The following PPP1R37 variants were observed in gnomAD, a reference collection of about 807,000 sequenced individuals.
PPP1R37 encodes protein phosphatase 1 regulatory subunit 37.
In PPP1R37, 21 loss-of-function variants were observed where a neutral mutation model predicts 61.0. The ratio of observed to expected loss-of-function variants is 0.34; its 90% CI spans 0.24 to 0.50. The LOEUF (loss-of-function observed/expected upper bound fraction) is 0.50. Among genes scored for constraint, PPP1R37 ranks in the 20% least tolerant of loss-of-function variants. The probability of loss-of-function intolerance (pLI) is 0.98; values close to 1 mark genes in which losing one functional copy is unlikely to be tolerated. For synonymous variants in PPP1R37, 443 were observed against 433.5 expected (o/e 1.02, Z -0.27); for missense variants, 910 against 952.7 (o/e 0.96, Z 0.59).
At chr19:45,098,590 C>T (rs1004507870) in intron 1 of PPP1R37, among the ~76,000 whole-genome samples, 3 of 152,094 alleles carry the variant, frequency 2.0e-5, no homozygotes, top group Non-Finnish European at 1.5e-5. Context: ...TGAGGGGGCC[C>T]AAGCATGCTA....
In PPP1R37 at chr19:45,130,332, G is replaced by A. The variant is rs1477706953; in HGVS notation, c.203-8182G>A. Among the ~76,000 whole-genome samples, 1 of 152,086 alleles carries A rather than the reference G, an allele frequency of 6.6e-6. No homozygotes were observed. The highest frequency in any genetic ancestry group is 1.5e-5 in the Non-Finnish European group (1 of 68,008). On this transcript the variant is annotated intron_variant, in intron 1 of 12. Coordinates refer to ENST00000221462, the MANE Select transcript of PPP1R37 (RefSeq NM_019121.2). This position sits in a 1 kb window ranked among gnomAD's most constrained non-coding sequence, Gnocchi z 4.4. ...CCATCCTGTTGCTGCTCTGCCCCTC[G>A]CCCCCAGTGGCTCCGGTCTCCTGCA...
intron 1 of PPP1R37, among the ~76,000 whole-genome samples, chr19:45,114,960 G>C (rs920157198): frequency 2.0e-5 from 3 of 152,136 alleles, no homozygotes; most frequent in Non-Finnish European, 2.9e-5. Context: ...GAAAGCCCTG[G>C]GCTAGGGGAC....
chr19:45,113,563 A>G (rs1488119292), intron 1 of PPP1R37, among the ~76,000 whole-genome samples: 1 of 152,220 alleles, frequency 6.6e-6, no homozygotes, highest in East Asian at 1.9e-4. Flanking sequence ...GTCTGCAGGC[A>G]CCAGGCATTC....
intron 1 of PPP1R37, among the ~76,000 whole-genome samples, chr19:45,126,958 G>A (rs922291979): frequency 1.3e-5 from 2 of 152,254 alleles, no homozygotes; most frequent in South Asian, 2.1e-4. Context: ...TGTGAGTTGT[G>A]TAGTAATACG....
At chr19:45,129,004 C>T in intron 1 of PPP1R37, 1 of 835,682 alleles carries the variant, frequency 1.2e-6, no homozygotes, top group Non-Finnish European at 2.0e-6. Flanking sequence ...GAGGAGGCAG[C>T]TGTTGCAGTC....
At chr19:45,118,958 G>C (rs1968304628) in intron 1 of PPP1R37, among the ~76,000 whole-genome samples, 1 of 151,420 alleles carries the variant, frequency 6.6e-6, no homozygotes, top group African/African-American at 2.4e-5. Flanking sequence ...AGCAGCTGCT[G>C]CTTTTTTTTT....
chr19:45,119,277 C>T (rs1237196631), intron 1 of PPP1R37, among the ~76,000 whole-genome samples: 2 of 152,096 alleles, frequency 1.3e-5, no homozygotes, highest in Admixed American at 1.3e-4. Flanking sequence ...GCCTCAGCCT[C>T]CTGAGTAGCT....
At chr19:45,141,276 A>G in intron 4 of PPP1R37, 46 bp from the exon 5 acceptor site, 3 of 1,502,764 alleles carry the variant, frequency 2.0e-6, no homozygotes, top group Non-Finnish European at 1.8e-6. Flanking sequence ...CCTCTCCTCC[A>G]GGGCAGCCCA....
chr19:45,129,856 CA>C (rs1451094283), intron 1 of PPP1R37, among the ~76,000 whole-genome samples: 2 of 152,198 alleles, frequency 1.3e-5, no homozygotes, highest in Non-Finnish European at 2.9e-5. Context: ...TCTCTCTCCC[CA>C]ACACATTTGT....
Position 45,146,510 on chromosome 19 carries a change from C to T in PPP1R37, c.*8+30C>T, listed in dbSNP as rs975848560. 19 of 1,457,880 alleles carry T rather than the reference C, an allele frequency of 1.3e-5. No individual in the cohort carries two copies. In the East Asian group the frequency reaches 1.7e-4, roughly 13 times the overall value. 90.3% of individuals were successfully genotyped at this position (1,457,880 alleles called of 1,614,324 possible). On this transcript the variant is annotated intron_variant, in intron 12 of 12. Coordinates refer to ENST00000221462, the MANE Select transcript of PPP1R37 (RefSeq NM_019121.2). ...GGCCAGGCCCGGGGCCCACAGCACT[C>T]GGGAGGAGCTGAGAGAGCCTCTGGC...
chr19:45,145,336 A>G lies in PPP1R37; in HGVS notation c.1297-17A>G. 6.5e-7 allele frequency: 1 copy of G among 1,529,792 alleles called. No homozygotes were observed. 94.8% of individuals were successfully genotyped at this position (1,529,792 alleles called of 1,614,324 possible). ...TGGGGCCGGCCTGAGAGCCCTAGCC[A>G]GGCGCTCCCGCCACAGGTGAAGAGC... On this transcript the variant is annotated splice_polypyrimidine_tract_variant and intron_variant, in intron 10 of 12. Coordinates refer to ENST00000221462, the MANE Select transcript of PPP1R37 (RefSeq NM_019121.2).
At chr19:45,124,339 C>T (rs543135360) in intron 1 of PPP1R37, among the ~76,000 whole-genome samples, 37 of 152,314 alleles carry the variant, frequency 2.4e-4, no homozygotes, top group Middle Eastern at 3.4e-3. Context: ...CTTCGGGGGA[C>T]GGGAAGAATT....
intron 1 of PPP1R37, chr19:45,136,046 G>C (rs1332099678): frequency 6.6e-6 from 1 of 152,118 alleles, no homozygotes; most frequent in Non-Finnish European, 1.5e-5. Context: ...GCCTTCCAAA[G>C]TGCTGGGATT....
chr19:45,101,896 T>C (rs1031652424), intron 1 of PPP1R37, among the ~76,000 whole-genome samples: 2 of 152,220 alleles, frequency 1.3e-5, no homozygotes, highest in Non-Finnish European at 2.9e-5. Context: ...CATTGACTTC[T>C]TCATCAGATT....
intron 1 of PPP1R37, among the ~76,000 whole-genome samples, chr19:45,095,049 G>C (rs1356085477): frequency 6.6e-6 from 1 of 152,216 alleles, no homozygotes; most frequent in Non-Finnish European, 1.5e-5. Flanking sequence ...TGTAGAAGCT[G>C]ATCTGCCGGC....
chr19:45,146,661 C>T lies in PPP1R37; in HGVS notation c.*99C>T, dbSNP rs1968706000. The T allele has an allele frequency of 3.5e-6, 2 of 566,824 alleles. No individual in the cohort carries two copies. The highest frequency in any genetic ancestry group is 6.3e-6 in the Non-Finnish European group (2 of 318,200). 35.1% of individuals were successfully genotyped at this position (566,824 alleles called of 1,614,324 possible). A position where few individuals can be genotyped will look rare whatever the true frequency, so the allele number is the denominator to read the frequency against. On this transcript the variant is annotated 3_prime_UTR_variant, in exon 13 of 13. Coordinates refer to ENST00000221462, the MANE Select transcript of PPP1R37 (RefSeq NM_019121.2). ...CCCAGCCTTCCTGAGGCCCAGGATGCCAGGGGTGGGGGCCATTCTGGGGCC... is the reference window on the plus strand; with the variant it reads ...CCCAGCCTTCCTGAGGCCCAGGATGTCAGGGGTGGGGGCCATTCTGGGGCC...
intron 8 of PPP1R37, 73 bp from the exon 9 acceptor site, chr19:45,144,781 T>C: frequency 7.5e-7 from 1 of 1,336,632 alleles, no homozygotes; most frequent in Non-Finnish European, 1.0e-6. Context: ...TCCCGGCTTC[T>C]TTCCTGACTT....
intron 1 of PPP1R37, among the ~76,000 whole-genome samples, chr19:45,135,508 G>A (rs188398391): frequency 2.0e-5 from 3 of 152,326 alleles, no homozygotes; most frequent in Admixed American, 6.5e-5. Flanking sequence ...AAACAGCTAC[G>A]CTTCTCTTCC....
rs1242607549 is a variant in PPP1R37, at chr19:45,145,756, A to G, written c.1700A>G (p.Lys567Arg). ...GTGTCCAGCCCGGGCCGGGGCCACA[A>G]GGTGTTTGTGGTGACCCGGGTGGAG... ...ISVSSPGRGHKVFVVTRVESP... is the reference protein window; with the variant it reads ...ISVSSPGRGHRVFVVTRVESP... Residue 567 changes from lysine to arginine, a missense_variant, in exon 11 of 13, where the codon AAG becomes AGG. This residue lies in a region of PPP1R37 where 549 missense variants were observed against 505.1 expected (regional missense o/e 1.09). Coordinates refer to ENST00000221462, the MANE Select transcript of PPP1R37 (RefSeq NM_019121.2). The G allele has an allele frequency of 2.8e-5, 43 of 1,525,688 alleles. No individual in the cohort carries two copies. The highest frequency in any genetic ancestry group is 3.5e-5 in the Non-Finnish European group (40 of 1,142,178). The allele number at this position is 1,525,688 out of a possible 1,614,324, so 94.5% of individuals were successfully genotyped here.
Sources: allele counts gnomAD v4.1 joint callset (sites outside exome capture counted in the v4.1 genomes callset), GRCh38; gene constraint gnomAD v4.1.1; regional missense constraint gnomAD v4.1.1; non-coding constraint Gnocchi (gnomAD v3.1); transcripts MANE v1.5; gene names NCBI Gene and HGNC (gene_info 2026-07-23, HGNC 2026-07-21).